The following PMEPA1 variants were observed in gnomAD, a reference collection of about 807,000 sequenced individuals.
PMEPA1 encodes the protein protein TMEPAI.
In PMEPA1, 11 loss-of-function variants were observed where a neutral mutation model predicts 23.0. The observed-to-expected ratio is 0.48, with a 90% CI of 0.30 to 0.79. PMEPA1 has a LOEUF of 0.79. Ranked by LOEUF, PMEPA1 falls within the 30% of genes least tolerant of loss-of-function variation. The probability of loss-of-function intolerance (pLI) is 0.06; values close to 1 mark genes in which losing one functional copy is unlikely to be tolerated. For synonymous variants in PMEPA1, 204 were observed against 166.4 expected, an observed-to-expected ratio of 1.23 and a Z score of -1.74; for missense variants, 377 against 390.9, an observed-to-expected ratio of 0.96 and a Z score of 0.30.
chr20:57,697,955 AG>A (rs1171146031), intron 1 of PMEPA1, among the ~76,000 whole-genome samples: 1 of 152,274 alleles, frequency 6.6e-6, no homozygotes, highest in Non-Finnish European at 1.5e-5. Flanking sequence ...AGAAATGAGT[AG>A]GGAATGGGGC....
chr20:57,710,180 C>G (rs988054760), upstream of PMEPA1: 1 of 529,908 alleles, frequency 1.9e-6, no homozygotes, highest in African/African-American at 2.0e-5. Context: ...AGGCGGCCCA[C>G]GTAGACCCGG....
At chr20:57,700,094 T>C (rs567326109) in intron 1 of PMEPA1, 1 of 471,348 alleles carries the variant, frequency 2.1e-6, no homozygotes, top group Non-Finnish European at 4.4e-6. Flanking sequence ...AAGCCAGTGA[T>C]GGAACTGGCC....
At chr20:57,690,471 G>A in intron 1 of PMEPA1, 1 of 1,303,778 alleles carries the variant, frequency 7.7e-7, no homozygotes, top group Non-Finnish European at 1.0e-6. Flanking sequence ...CGTTAAATAA[G>A]GAGTGTATAT....
intron 1 of PMEPA1, chr20:57,690,563 G>C (rs1437041691): frequency 3.9e-6 from 5 of 1,273,200 alleles, no homozygotes; most frequent in Non-Finnish European, 4.1e-6. Flanking sequence ...AGGAGGCGGG[G>C]TCTCCATTGC....
intron 1 of PMEPA1, among the ~76,000 whole-genome samples, chr20:57,679,074 C>T (rs2071676294): frequency 6.6e-6 from 1 of 152,220 alleles, no homozygotes; most frequent in South Asian, 2.1e-4. Flanking sequence ...TTCTCCAGAA[C>T]ATGGAACAGA....
upstream of PMEPA1, chr20:57,710,757 G>A (rs1384370647): frequency 6.3e-5 from 25 of 394,106 alleles, no homozygotes; most frequent in Admixed American, 1.0e-3. Context: ...GAGCAGGAGG[G>A]GTGTACTTTT....
chr20:57,690,467 A>C (rs1487294746), intron 1 of PMEPA1: 1 of 1,304,100 alleles, frequency 7.7e-7, no homozygotes, highest in Non-Finnish European at 1.0e-6. Context: ...TTTTCGTTAA[A>C]TAAGGAGTGT....
intron 1 of PMEPA1, among the ~76,000 whole-genome samples, chr20:57,662,446 C>T (rs1272548695): frequency 6.6e-6 from 1 of 152,204 alleles, no homozygotes; most frequent in Admixed American, 6.5e-5. Flanking sequence ...TTTCCCAAGC[C>T]CCGAGAAGGC....
chr20:57,663,892 C>T (rs75203528), intron 1 of PMEPA1, among the ~76,000 whole-genome samples: 9,559 of 152,278 alleles, frequency 0.063, 598 homozygotes, highest in African/African-American at 0.15. Flanking sequence ...CAAGCCCCAC[C>T]GGCGCGGATG....
At chr20:57,669,142 CATTTATTTATTT>C (rs10523107) in intron 1 of PMEPA1, among the ~76,000 whole-genome samples, 13,446 of 145,562 alleles carry the variant, frequency 0.092, 1,330 homozygotes, top group African/African-American at 0.25. Context: ...TAAAAAAGCA[CATTTATTTATTT>C]ATTTATTTAT....
At chr20:57,710,565 G>T (rs1460096117), upstream of PMEPA1, 2 of 1,214,570 alleles carry the variant, frequency 1.6e-6, no homozygotes, top group East Asian at 2.8e-5. Context: ...CAAGGAGGAC[G>T]ACCAGGAAAG....
In PMEPA1 at chr20:57,704,705, T is replaced by C. The variant is rs2072054295; in HGVS notation, c.109+4769A>G. 6.6e-6 allele frequency among the ~76,000 whole-genome samples: 1 copy of C among 152,204 alleles called. No homozygotes were observed. Among genetic ancestry groups the C allele is most frequent in the Non-Finnish European group, 1.5e-5 (1 of 68,020 alleles). On this transcript the variant is annotated intron_variant, in intron 1 of 3. Transcript: ENST00000341744. This position sits in a 1 kb window ranked among gnomAD's most constrained non-coding sequence, Gnocchi z 4.6. ...CCTTCCTCCAAACATTTTCTGGCTT[T>C]TAAACTATTGACCGGACTATAAACG...
intron 1 of PMEPA1, among the ~76,000 whole-genome samples, chr20:57,669,244 C>T (rs2071535246): frequency 6.6e-6 from 1 of 152,060 alleles, no homozygotes; most frequent in African/African-American, 2.4e-5. Context: ...CTCACTGCAA[C>T]CTCCACCTCC....
chr20:57,706,203 CG>C (rs1335130442), intron 1 of PMEPA1, among the ~76,000 whole-genome samples: 1 of 152,156 alleles, frequency 6.6e-6, no homozygotes, highest in East Asian at 1.9e-4. Context: ...GAGCAGACAC[CG>C]GGTGGCCCCA....
At chr20:57,685,528 A>G (rs769661478) in intron 1 of PMEPA1, among the ~76,000 whole-genome samples, 4 of 152,192 alleles carry the variant, frequency 2.6e-5, no homozygotes, top group Admixed American at 6.5e-5. Flanking sequence ...CTCGGCCTAA[A>G]ACGATTTGTC....
chr20:57,684,297 G>T (rs1457684988), intron 1 of PMEPA1, among the ~76,000 whole-genome samples: 1 of 152,184 alleles, frequency 6.6e-6, no homozygotes, highest in Non-Finnish European at 1.5e-5. Flanking sequence ...GGGTCTAGCT[G>T]GGAGGGGGGC....
intron 1 of PMEPA1, among the ~76,000 whole-genome samples, chr20:57,693,651 C>A (rs1050865945): frequency 2.6e-5 from 4 of 152,182 alleles, no homozygotes; most frequent in African/African-American, 9.7e-5. Context: ...AAGTCACAGA[C>A]CTATTCTGCA....
In PMEPA1 at chr20:57,684,012, C is replaced by T. The variant is rs946949064; in HGVS notation, c.110-24315G>A. Reference sequence around the variant, plus strand: ...CTCCTGCAGACGAAATGTCCCACCACGCCCCACCCCCGGCTCCGCAACACC... The same window carrying T: ...CTCCTGCAGACGAAATGTCCCACCATGCCCCACCCCCGGCTCCGCAACACC... On this transcript the variant is annotated intron_variant, in intron 1 of 3. Transcript: ENST00000341744. 3.9e-5 allele frequency among the ~76,000 whole-genome samples: 6 copies of T among 152,284 alleles called. No individual in the cohort carries two copies. In the East Asian group the frequency reaches 9.7e-4, roughly 24 times the overall value.
In PMEPA1 at chr20:57,656,848, G is replaced by C. The variant is rs1262274160; in HGVS notation, c.264+2695C>G. 6.6e-6 allele frequency among the ~76,000 whole-genome samples: 1 copy of C among 152,228 alleles called. No individual in the cohort carries two copies. Among genetic ancestry groups the C allele is most frequent in the African/African-American group, 2.4e-5 (1 of 41,470 alleles). ...CCAGGGGCAGAGCATGGATGGGCTG[G>C]GGGGATGTAGACTGGGCCCGGGACA... is the stretch of plus-strand genomic sequence containing the variant. On this transcript the variant is annotated intron_variant, in intron 2 of 3. Coordinates refer to ENST00000341744, the MANE Select transcript of PMEPA1 (RefSeq NM_020182.5). This position sits in a 1 kb window ranked among gnomAD's most constrained non-coding sequence, Gnocchi z 4.7.
Sources: allele counts gnomAD v4.1 joint callset (sites outside exome capture counted in the v4.1 genomes callset), GRCh38; gene constraint gnomAD v4.1.1; non-coding constraint Gnocchi (gnomAD v3.1); transcripts MANE v1.5; gene names NCBI Gene and HGNC (gene_info 2026-07-23, HGNC 2026-07-21).